Variants in SLC39A11 observed in about 807,000 individuals in gnomAD.
SLC39A11 encodes solute carrier family 39 member 11.
A neutral mutation model predicts 36.1 loss-of-function variants in SLC39A11; 33 were observed. The observed-to-expected ratio is 0.91, with a 90% CI of 0.69 to 1.22. SLC39A11 has a LOEUF of 1.22. Among genes scored for constraint, SLC39A11 ranks in the 50% most tolerant of loss-of-function variants. SLC39A11 has a pLI of 0.00. For synonymous variants in SLC39A11, 166 were observed against 170.3 expected (o/e 0.97, Z 0.20); for missense variants, 432 against 430.3 (o/e 1.00, Z -0.03).
chr17:72,876,757 T>A (rs184979779), intron 5 of SLC39A11, among the ~76,000 whole-genome samples: 1 of 152,298 alleles, frequency 6.6e-6, no homozygotes, highest in East Asian at 1.9e-4. Context: ...AACCCCCTAA[T>A]TTTAGTCAGT....
intron 4 of SLC39A11, among the ~76,000 whole-genome samples, chr17:73,021,362 CAT>C (rs2058347452): frequency 6.6e-6 from 1 of 151,444 alleles, no homozygotes; most frequent in Non-Finnish European, 1.5e-5. Flanking sequence ...TTTTTTAAGA[CAT>C]AGTCTTGCTC....
intron 6 of SLC39A11, among the ~76,000 whole-genome samples, chr17:72,824,802 G>C (rs1176790580): frequency 6.6e-6 from 1 of 151,088 alleles, no homozygotes; most frequent in Non-Finnish European, 1.5e-5. Flanking sequence ...GATAAATTAG[G>C]GTATCTAGCA....
rs184747715 is a variant in SLC39A11 at position 72,879,573 on chromosome 17, G to A, written c.431-29769C>T. Among the ~76,000 whole-genome samples, 53 of 152,270 alleles carry A rather than the reference G, an allele frequency of 3.5e-4. 1 individual carries two copies. Among genetic ancestry groups the A allele is most frequent in the Admixed American group, 3.5e-3 (53 of 15,302 alleles). On this transcript the variant is annotated intron_variant, in intron 5 of 9. Coordinates refer to ENST00000255559, the MANE Select transcript of SLC39A11 (RefSeq NM_139177.4). Reference sequence around the variant, plus strand: ...TAACACAAGCTCTGTGAGGACAGGAGGTTTTGTCTGTTTTGCCGTAGTGTT... The same window carrying A: ...TAACACAAGCTCTGTGAGGACAGGAAGTTTTGTCTGTTTTGCCGTAGTGTT...
At chr17:73,027,047 A>T (rs1165146073) in intron 4 of SLC39A11, among the ~76,000 whole-genome samples, 5 of 152,008 alleles carry the variant, frequency 3.3e-5, no homozygotes, top group African/African-American at 1.2e-4. Context: ...ACTGGATCCC[A>T]GGAGGTCAAG....
At chr17:72,752,139 C>T (rs942182025) in intron 6 of SLC39A11, among the ~76,000 whole-genome samples, 9 of 152,188 alleles carry the variant, frequency 5.9e-5, no homozygotes, top group Non-Finnish European at 1.5e-5. Context: ...GGGTGATAAA[C>T]TTCTGAACCC....
At chr17:72,955,184 C>A (rs2086154473) in intron 4 of SLC39A11, among the ~76,000 whole-genome samples, 1 of 151,982 alleles carries the variant, frequency 6.6e-6, no homozygotes, top group Non-Finnish European at 1.5e-5. Flanking sequence ...GCCAAAGAAG[C>A]CTGAGCTCCT....
intron 6 of SLC39A11, among the ~76,000 whole-genome samples, chr17:72,763,545 T>C (rs1184558114): frequency 3.3e-5 from 5 of 152,238 alleles, no homozygotes. Context: ...TTTTGTATTT[T>C]AGGAAATACT....
intron 6 of SLC39A11, among the ~76,000 whole-genome samples, chr17:72,748,941 G>A (rs149590051): frequency 8.5e-5 from 13 of 152,330 alleles, no homozygotes; most frequent in Admixed American, 3.9e-4. Context: ...AAAGGGCACC[G>A]CAGTCTACCC....
intron 4 of SLC39A11, among the ~76,000 whole-genome samples, chr17:72,997,394 T>C (rs1190277941): frequency 6.6e-6 from 1 of 152,152 alleles, no homozygotes; most frequent in East Asian, 1.9e-4. Context: ...GCTGGGATTA[T>C]AGGTGGCCAC....
chr17:72,741,408 G>A (rs1401061145), intron 6 of SLC39A11, among the ~76,000 whole-genome samples: 1 of 152,018 alleles, frequency 6.6e-6, no homozygotes, highest in Non-Finnish European at 1.5e-5. Flanking sequence ...CTGTGTTTGT[G>A]GGTATAATTT....
chr17:72,777,201 T>C (rs184508932), intron 6 of SLC39A11, among the ~76,000 whole-genome samples: 3 of 152,164 alleles, frequency 2.0e-5, no homozygotes, highest in Non-Finnish European at 4.4e-5. Context: ...GACAAAGCTC[T>C]AAACCAAAAA....
intron 5 of SLC39A11, among the ~76,000 whole-genome samples, chr17:72,894,715 T>G (rs1205617902): frequency 6.7e-6 from 1 of 150,176 alleles, no homozygotes; most frequent in Non-Finnish European, 1.5e-5. Context: ...AAGGAGCCAG[T>G]ACCTCAACCT....
chr17:72,740,267 G>A (rs1367240430), intron 6 of SLC39A11, among the ~76,000 whole-genome samples: 4 of 151,800 alleles, frequency 2.6e-5, no homozygotes, highest in South Asian at 4.2e-4. Context: ...GTTTCACACC[G>A]TGTTAGCCAG....
chr17:72,713,486 T>G (rs1386407948), intron 7 of SLC39A11, among the ~76,000 whole-genome samples: 1 of 152,212 alleles, frequency 6.6e-6, no homozygotes, highest in African/African-American at 2.4e-5. Context: ...TACAGATTAG[T>G]GACTGCCAGG....
At chr17:72,774,635 G>A (rs1464201792) in intron 6 of SLC39A11, among the ~76,000 whole-genome samples, 1 of 152,262 alleles carries the variant, frequency 6.6e-6, no homozygotes, top group African/African-American at 2.4e-5. Flanking sequence ...TGCATTAATT[G>A]GGCATGTCAG....
chr17:72,905,285 T>C (rs2082601177), intron 5 of SLC39A11, among the ~76,000 whole-genome samples: 1 of 146,514 alleles, frequency 6.8e-6, no homozygotes, highest in Non-Finnish European at 1.5e-5. Context: ...TTCTGTTTCC[T>C]ATTTTTTTTT....
intron 6 of SLC39A11, among the ~76,000 whole-genome samples, chr17:72,775,237 T>C (rs562981113): frequency 6.6e-6 from 1 of 152,286 alleles, no homozygotes; most frequent in Admixed American, 6.5e-5. Context: ...GAGGACCCCC[T>C]TGCAGCCCAG....
intron 6 of SLC39A11, among the ~76,000 whole-genome samples, chr17:72,803,774 A>G (rs1403537399): frequency 2.0e-5 from 3 of 152,120 alleles, no homozygotes; most frequent in African/African-American, 7.2e-5. Flanking sequence ...TTCATCCCCT[A>G]GGCCTAATTC....
chr17:72,660,672 G>A (rs564527468), intron 7 of SLC39A11, among the ~76,000 whole-genome samples: 2 of 152,196 alleles, frequency 1.3e-5, no homozygotes, highest in Non-Finnish European at 2.9e-5. Context: ...GACTCAGGGG[G>A]TTTCGAGCCA....
Sources: allele counts gnomAD v4.1 joint callset (sites outside exome capture counted in the v4.1 genomes callset), GRCh38; gene constraint gnomAD v4.1.1; transcripts MANE v1.5; gene names NCBI Gene and HGNC (gene_info 2026-07-23, HGNC 2026-07-21).